Variants in PPFIA2 observed in about 807,000 individuals in gnomAD.
The protein encoded by PPFIA2 is PPFI scaffold protein A2.
A neutral mutation model predicts 175.5 loss-of-function variants in PPFIA2; 46 were observed. That is an observed-to-expected ratio of 0.26 (90% confidence interval 0.21 to 0.34). The LOEUF is 0.34. Among genes scored for constraint, PPFIA2 ranks in the 10% least tolerant of loss-of-function variants. The probability of loss-of-function intolerance (pLI) is 1.00; values close to 1 mark genes in which losing one functional copy is unlikely to be tolerated. For synonymous variants in PPFIA2, 568 were observed against 511.4 expected (o/e 1.11, Z -1.49); for missense variants, 1,179 against 1,506.1 (o/e 0.78, Z 3.60).
At chr12:81,506,435 T>C (rs764464118) in intron 4 of PPFIA2, among the ~76,000 whole-genome samples, 60 of 152,228 alleles carry the variant, frequency 3.9e-4, no homozygotes, top group Admixed American at 9.2e-4. Flanking sequence ...TTTAGGTATA[T>C]GTATTTTCTC....
chr12:81,434,961 A>AATT lies in PPFIA2; in HGVS notation c.645+5008_645+5010dup, dbSNP rs200485158. On this transcript the variant is annotated intron_variant, in intron 7 of 32. Coordinates refer to ENST00000549396, the MANE Select transcript of PPFIA2 (RefSeq NM_003625.5). ...AACTTTTTCTATTCCTGTCATAATGAATTATTATTATTATTTATATTTGAA... is the reference window on the plus strand; with the variant it reads ...AACTTTTTCTATTCCTGTCATAATGAATTATTATTATTATTATTTATATTTGAA... 2.4e-3 allele frequency among the ~76,000 whole-genome samples: 369 copies of AATT among 152,196 alleles called. 6 individuals carry two copies. The East Asian group carries it at 0.027, about 11-fold the overall frequency.
intron 4 of PPFIA2, among the ~76,000 whole-genome samples, chr12:81,465,862 C>A (rs1397508831): frequency 1.3e-5 from 2 of 152,090 alleles, no homozygotes; most frequent in Admixed American, 1.3e-4. Context: ...GTTTGGAAAT[C>A]ATTTAGTTTG....
At position 81,437,298 on chromosome 12, in the gene PPFIA2, C is replaced by T. The variant is rs925155316; in HGVS notation, c.645+2674G>A. On this transcript the variant is annotated intron_variant, in intron 7 of 32. Transcript: ENST00000549396. ...AGGCTGGAGTGCAGTGGCGCGATCT[C>T]GGCTCACTGCAAGCTCTGCCTCCAG... 9.9e-5 allele frequency among the ~76,000 whole-genome samples: 15 copies of T among 152,076 alleles called. No homozygotes were observed. In the East Asian group the frequency reaches 2.3e-3, roughly 23 times the overall value.
chr12:81,582,521 A>T (rs1011359242), intron 4 of PPFIA2, among the ~76,000 whole-genome samples: 1 of 151,778 alleles, frequency 6.6e-6, no homozygotes, highest in Non-Finnish European at 1.5e-5. Flanking sequence ...AAAAGCACAA[A>T]TTCTCCTACC....
chr12:81,539,672 T>C (rs2065917943), intron 4 of PPFIA2, among the ~76,000 whole-genome samples: 1 of 151,896 alleles, frequency 6.6e-6, no homozygotes, highest in Non-Finnish European at 1.5e-5. Context: ...GGGTAAAAAT[T>C]ATGAATTTTA....
chr12:81,663,803 A>T (rs1489111769), intron 4 of PPFIA2, among the ~76,000 whole-genome samples: 2 of 152,218 alleles, frequency 1.3e-5, no homozygotes, highest in Non-Finnish European at 2.9e-5. Context: ...ACAAGGCTAC[A>T]GTAACCAAAA....
At chr12:81,270,308 C>CT (rs2136387718) in intron 28 of PPFIA2, among the ~76,000 whole-genome samples, 1 of 152,096 alleles carries the variant, frequency 6.6e-6, no homozygotes, top group East Asian at 1.9e-4. Context: ...TTTTGTCTTG[C>CT]TTTTTTTAGT....
At chr12:81,676,677 T>C (rs958457659) in intron 4 of PPFIA2, 114 bp downstream of exon 4, 32 of 618,376 alleles carry the variant, frequency 5.2e-5, no homozygotes, top group Non-Finnish European at 7.4e-5. Context: ...ATAATAGCTG[T>C]ATTTATAAAA....
intron 5 of PPFIA2, among the ~76,000 whole-genome samples, chr12:81,456,461 T>C (rs1423774518): frequency 1.3e-5 from 2 of 152,200 alleles, no homozygotes; most frequent in Non-Finnish European, 1.5e-5. Flanking sequence ...GTAACCATTA[T>C]GCAAGCAACC....
intron 15 of PPFIA2, among the ~76,000 whole-genome samples, chr12:81,359,927 C>T (rs1014961030): frequency 6.6e-6 from 1 of 151,898 alleles, no homozygotes; most frequent in Non-Finnish European, 1.5e-5. Flanking sequence ...TTAAGGTACT[C>T]TCTGCCTAGC....
intron 4 of PPFIA2, among the ~76,000 whole-genome samples, chr12:81,605,441 G>A (rs977687629): frequency 6.6e-6 from 1 of 151,526 alleles, no homozygotes; most frequent in East Asian, 1.9e-4. Flanking sequence ...GGAGGCGAGG[G>A]GAGGAAACAG....
rs1331891131 is a variant in PPFIA2 at position 81,754,081 on chromosome 12, G to A, written c.141C>T (p.Asp47=). ...GGCTTTCCTGGGTCTCCCGAAGGGT[G>A]TCTAGAAGACGATCCCTTTCATCTA... ...NMLDERDRLL[D]TLRETQESLS... The change falls in exon 3 of 33, where the codon GAC becomes GAT. Residue 47 remains aspartate (D), a synonymous_variant. Transcript: ENST00000549396. 6.2e-7 allele frequency: 1 copy of A among 1,613,884 alleles called. No homozygotes were observed. Among genetic ancestry groups the A allele is most frequent in the Non-Finnish European group, 8.5e-7 (1 of 1,179,856 alleles).
chr12:81,331,131 C>A (rs2056034743), intron 21 of PPFIA2, among the ~76,000 whole-genome samples: 1 of 152,180 alleles, frequency 6.6e-6, no homozygotes, highest in Admixed American at 6.5e-5. Flanking sequence ...ACATAAAGAC[C>A]TTTCTGTTAA....
intron 7 of PPFIA2, among the ~76,000 whole-genome samples, chr12:81,420,544 G>A (rs1002389507): frequency 4.6e-5 from 7 of 151,870 alleles, no homozygotes; most frequent in African/African-American, 1.5e-4. Context: ...CTACAATAGA[G>A]TGCTTCAATA....
chr12:81,514,210 T>C (rs891682221), intron 4 of PPFIA2, among the ~76,000 whole-genome samples: 3 of 151,966 alleles, frequency 2.0e-5, no homozygotes, highest in African/African-American at 7.2e-5. Flanking sequence ...GTCAGTGCAA[T>C]GAGCAGAATT....
chr12:81,436,931 C>G (rs961592532), intron 7 of PPFIA2, among the ~76,000 whole-genome samples: 7 of 152,040 alleles, frequency 4.6e-5, no homozygotes, highest in African/African-American at 1.2e-4. Flanking sequence ...TACTAACAGA[C>G]GTGATTTTTA....
chr12:81,259,742 C>A, intron 32 of PPFIA2, 82 bp from the exon 33 acceptor site: 1 of 1,232,426 alleles, frequency 8.1e-7, no homozygotes, highest in South Asian at 1.3e-5. Context: ...TGGTGTACCT[C>A]CACGCAGCCT....
intron 4 of PPFIA2, among the ~76,000 whole-genome samples, chr12:81,466,336 T>C (rs2055621553): frequency 6.6e-6 from 1 of 152,194 alleles, no homozygotes; most frequent in Non-Finnish European, 1.5e-5. Context: ...GCAAGCCTAT[T>C]TAAAATCCAA....
At position 81,492,550 on chromosome 12, in the gene PPFIA2, G is replaced by C. The variant is rs144511315; in HGVS notation, c.304-34684C>G. On this transcript the variant is annotated intron_variant, in intron 4 of 32. Transcript: ENST00000549396. ...GGCAGAAAACACTTAGGAGGAGTGT[G>C]GCATTTGAGCAAAGGCCTAAAGACA... Among the ~76,000 whole-genome samples, 92 of 152,120 alleles carry C rather than the reference G, an allele frequency of 6.0e-4. 3 individuals carry two copies. The East Asian group carries it at 0.017, about 29-fold the overall frequency.
Sources: gnomAD v4.1 joint callset for allele counts (sites outside exome capture counted in the v4.1 genomes callset) on GRCh38, gnomAD v4.1.1 for gene constraint, MANE v1.5 for transcripts, NCBI Gene and HGNC (gene_info 2026-07-23, HGNC 2026-07-21) for gene names.